CTNNA3: variants seen among roughly 807,000 people sequenced by gnomAD.
The protein encoded by CTNNA3 is catenin alpha-3.
Under a neutral mutation model 95.7 loss-of-function variants are expected in CTNNA3, and 76 were observed. The ratio of observed to expected loss-of-function variants is 0.79; its 90% CI spans 0.66 to 0.96. The LOEUF is 0.96. Among genes scored for constraint, CTNNA3 ranks in the 40% least tolerant of loss-of-function variants. CTNNA3 has a pLI of 0.00. For synonymous variants in CTNNA3, 431 were observed against 374.4 expected, an observed-to-expected ratio of 1.15 and a Z score of -1.74; for missense variants, 1,191 against 1,089.8, an observed-to-expected ratio of 1.09 and a Z score of -1.31.
chr10:67,632,312 T>TAAA (rs10638046), intron 2 of CTNNA3, among the ~76,000 whole-genome samples: 44 of 144,280 alleles, frequency 3.0e-4, no homozygotes, highest in African/African-American at 9.3e-4. Flanking sequence ...TTAAATATAT[T>TAAA]AAAAAAAAAA....
chr10:66,752,851 C>G (rs1411021560), intron 9 of CTNNA3, among the ~76,000 whole-genome samples: 1 of 151,886 alleles, frequency 6.6e-6, no homozygotes, highest in East Asian at 1.9e-4. Context: ...GACACACACA[C>G]ACACGCACAC....
chr10:66,462,727 T>TAATA, intron 11 of CTNNA3, among the ~76,000 whole-genome samples: 1 of 152,236 alleles, frequency 6.6e-6, no homozygotes, highest in East Asian at 1.9e-4. Context: ...ATATAGATAC[T>TAATA]AATAGTATAT....
chr10:67,503,671 A>G (rs1839303646), intron 5 of CTNNA3, among the ~76,000 whole-genome samples: 1 of 152,154 alleles, frequency 6.6e-6, no homozygotes, highest in South Asian at 2.1e-4. Flanking sequence ...AATGTATACA[A>G]AAAAGACCTT....
chr10:67,707,258 C>T (rs903487536), intron 1 of CTNNA3, among the ~76,000 whole-genome samples: 2 of 152,086 alleles, frequency 1.3e-5, no homozygotes, highest in Admixed American at 1.3e-4. Flanking sequence ...GCAGAAAATC[C>T]AAATTCTTTA....
intron 16 of CTNNA3, among the ~76,000 whole-genome samples, chr10:65,972,171 G>A (rs1287258408): frequency 2.0e-5 from 3 of 151,916 alleles, no homozygotes; most frequent in Admixed American, 6.6e-5. Context: ...AAAATAATAA[G>A]AGCCATCTAA....
Position 65,918,009 on chromosome 10 carries a change from A to G in CTNNA3, c.*2321T>C, listed in dbSNP as rs2077027577. 6.6e-6 allele frequency: 1 copy of G among 152,074 alleles called. No homozygotes were observed. Among genetic ancestry groups the G allele is most frequent in the South Asian group, 2.1e-4 (1 of 4,828 alleles). 9.4% of individuals were successfully genotyped at this position (152,074 alleles called of 1,614,324 possible). A position where few individuals can be genotyped will look rare whatever the true frequency, so the allele number is the denominator to read the frequency against. ...TTACCACAGCAGATTAACTCCTAGG[A>G]TATTCATTGAGTTAAAATTTTTATT... is the stretch of plus-strand genomic sequence containing the variant. On this transcript the variant is annotated 3_prime_UTR_variant, in exon 18 of 18. Transcript: ENST00000433211.
intron 11 of CTNNA3, among the ~76,000 whole-genome samples, chr10:66,487,217 TTTG>T (rs1839766468): frequency 9.9e-6 from 1 of 101,414 alleles, no homozygotes; most frequent in African/African-American, 3.5e-5. Context: ...TTTTTTTTTT[TTTG>T]AGACGGAATC....
chr10:66,372,690 T>C (rs1477962261), intron 12 of CTNNA3, among the ~76,000 whole-genome samples: 1 of 152,148 alleles, frequency 6.6e-6, no homozygotes, highest in Non-Finnish European at 1.5e-5. Context: ...TCCACATGGC[T>C]GGGCAGGCCT....
intron 16 of CTNNA3, 69 bp from the exon 17 acceptor site, chr10:65,966,815 A>G: frequency 8.2e-7 from 1 of 1,219,806 alleles, no homozygotes; most frequent in Non-Finnish European, 1.2e-6. Flanking sequence ...GTGAGTAAAT[A>G]CAGTATTCAC....
intron 12 of CTNNA3, among the ~76,000 whole-genome samples, chr10:66,282,185 G>A (rs868584740): frequency 6.6e-6 from 1 of 151,600 alleles, no homozygotes; most frequent in African/African-American, 2.4e-5. Context: ...CCCTTTCAGC[G>A]GACGGAATAA....
At chr10:67,509,068 G>A (rs1158973436) in intron 5 of CTNNA3, among the ~76,000 whole-genome samples, 3 of 151,938 alleles carry the variant, frequency 2.0e-5, no homozygotes, top group East Asian at 3.9e-4. Flanking sequence ...TAGAGACGGG[G>A]TTTCACCATG....
chr10:66,135,659 G>A (rs892322432), intron 13 of CTNNA3, among the ~76,000 whole-genome samples: 1 of 152,128 alleles, frequency 6.6e-6, no homozygotes, highest in Non-Finnish European at 1.5e-5. Flanking sequence ...ATGTTACTAT[G>A]ATCTCTAAGT....
intron 7 of CTNNA3, among the ~76,000 whole-genome samples, chr10:67,077,394 C>A (rs1856797434): frequency 6.6e-6 from 1 of 152,174 alleles, no homozygotes; most frequent in Non-Finnish European, 1.5e-5. Flanking sequence ...ACTAGTGGCC[C>A]TGATGGCTTT....
At chr10:67,330,921 C>A (rs531978958) in intron 5 of CTNNA3, among the ~76,000 whole-genome samples, 32 of 152,296 alleles carry the variant, frequency 2.1e-4, no homozygotes, top group African/African-American at 7.7e-4. Flanking sequence ...AATCCCTCCC[C>A]ACTAATCCTG....
chr10:66,371,490 A>C (rs1589153334), intron 12 of CTNNA3, among the ~76,000 whole-genome samples: 1 of 152,118 alleles, frequency 6.6e-6, no homozygotes, highest in Admixed American at 6.6e-5. Context: ...GGTTTCATAA[A>C]CCATCTAAAA....
intron 6 of CTNNA3, among the ~76,000 whole-genome samples, chr10:67,200,161 C>A (rs1007807612): frequency 1.3e-5 from 2 of 151,996 alleles, no homozygotes; most frequent in African/African-American, 4.8e-5. Context: ...AAGAAATTGG[C>A]TGAATTTTTT....
chr10:67,669,749 C>G (rs1463377287), intron 1 of CTNNA3, among the ~76,000 whole-genome samples: 1 of 152,090 alleles, frequency 6.6e-6, no homozygotes, highest in Non-Finnish European at 1.5e-5. Context: ...AACCAAAATG[C>G]CATTGAATTT....
At chr10:67,081,960 C>T (rs1857080323) in intron 7 of CTNNA3, among the ~76,000 whole-genome samples, 1 of 152,086 alleles carries the variant, frequency 6.6e-6, no homozygotes, top group Non-Finnish European at 1.5e-5. Flanking sequence ...AAACAGTATT[C>T]ATGTTTTATC....
chr10:67,554,124 G>T (rs12354873), intron 3 of CTNNA3, among the ~76,000 whole-genome samples: 18,849 of 152,146 alleles, frequency 0.12, 2,514 homozygotes, highest in African/African-American at 0.34. Flanking sequence ...ATTCCATGGG[G>T]TATATGTGTC....
Sources: gnomAD v4.1 joint callset for allele counts (sites outside exome capture counted in the v4.1 genomes callset) on GRCh38, gnomAD v4.1.1 for gene constraint, MANE v1.5 for transcripts, NCBI Gene and HGNC (gene_info 2026-07-23, HGNC 2026-07-21) for gene names.